NRG3: variants seen among roughly 807,000 people sequenced by gnomAD.
NRG3 encodes the protein pro-neuregulin-3, membrane-bound isoform.
A neutral mutation model predicts 66.9 loss-of-function variants in NRG3; 31 were observed. The observed-to-expected ratio is 0.46, with a 90% CI of 0.35 to 0.63. NRG3 has a LOEUF of 0.63. NRG3 is among the 20% of genes least tolerant of loss of function. The probability of loss-of-function intolerance (pLI) is 0.00; values close to 1 mark genes in which losing one functional copy is unlikely to be tolerated. For missense variants in NRG3, 910 were observed against 878.9 expected (o/e 1.04, Z -0.45); for synonymous variants, 393 against 359.4 (o/e 1.09, Z -1.06).
intron 2 of NRG3, among the ~76,000 whole-genome samples, chr10:82,619,572 G>A (rs760736127): frequency 6.6e-6 from 1 of 152,122 alleles, no homozygotes; most frequent in Non-Finnish European, 1.5e-5. Flanking sequence ...CCTTTTCTTG[G>A]ATGATCAATA....
intron 1 of NRG3, among the ~76,000 whole-genome samples, chr10:82,205,762 C>T (rs964979462): frequency 2.0e-5 from 3 of 152,166 alleles, no homozygotes; most frequent in South Asian, 2.1e-4. Context: ...TACTTCTTTC[C>T]GAACTTCAAT....
chr10:81,940,949 A>G (rs376471895), intron 1 of NRG3, among the ~76,000 whole-genome samples: 130 of 152,224 alleles, frequency 8.5e-4, no homozygotes, highest in African/African-American at 2.8e-3. Context: ...TCTGTGATAT[A>G]TGAGCTTTTA....
intron 2 of NRG3, among the ~76,000 whole-genome samples, chr10:82,728,362 T>TCG (rs1185649478): frequency 3.9e-5 from 6 of 152,162 alleles, no homozygotes; most frequent in Non-Finnish European, 5.9e-5. Context: ...GGTAATTGAA[T>TCG]CGTGGGGTCT....
chr10:82,861,804 G>A (rs890845287), intron 3 of NRG3, among the ~76,000 whole-genome samples: 17 of 152,166 alleles, frequency 1.1e-4, no homozygotes, highest in Admixed American at 7.2e-4. Context: ...TCCACTGTTT[G>A]AGATCCTCTG....
At chr10:82,616,720 G>T (rs537403732) in intron 2 of NRG3, among the ~76,000 whole-genome samples, 2 of 152,262 alleles carry the variant, frequency 1.3e-5, no homozygotes, top group South Asian at 4.2e-4. Context: ...GACATCAAGA[G>T]ATCATATCTT....
intron 2 of NRG3, among the ~76,000 whole-genome samples, chr10:82,480,768 C>T (rs1289691448): frequency 6.6e-6 from 1 of 152,210 alleles, no homozygotes; most frequent in Admixed American, 6.5e-5. Flanking sequence ...CACAGATATA[C>T]CCTGTTTCAT....
intron 2 of NRG3, among the ~76,000 whole-genome samples, chr10:82,485,104 C>T (rs148823070): frequency 1.3e-5 from 2 of 152,098 alleles, no homozygotes; most frequent in Non-Finnish European, 2.9e-5. Flanking sequence ...CATGCTAGCA[C>T]GGTTAGACAT....
At chr10:81,940,145 C>T (rs959457329) in intron 1 of NRG3, among the ~76,000 whole-genome samples, 1 of 152,064 alleles carries the variant, frequency 6.6e-6, no homozygotes, top group African/African-American at 2.4e-5. Context: ...AATATTAGTT[C>T]AGTCTTCTTA....
intron 3 of NRG3, among the ~76,000 whole-genome samples, chr10:82,774,826 T>TC (rs1412636442): frequency 1.2e-4 from 16 of 137,250 alleles, no homozygotes; most frequent in African/African-American, 4.2e-4. Flanking sequence ...TTTTTCTTTT[T>TC]TTTTTTTTTT....
chr10:82,826,319 C>T (rs568708940), intron 3 of NRG3, among the ~76,000 whole-genome samples: 9 of 152,304 alleles, frequency 5.9e-5, no homozygotes, highest in Admixed American at 5.9e-4. Context: ...TCTGACCATT[C>T]CTAGCCCCAG....
intron 6 of NRG3, among the ~76,000 whole-genome samples, chr10:82,960,404 A>G (rs1357391547): frequency 6.6e-6 from 1 of 152,178 alleles, no homozygotes; most frequent in African/African-American, 2.4e-5. Flanking sequence ...ATAGATTCTA[A>G]TCAGTAACAT....
At position 82,582,937 on chromosome 10, in the gene NRG3, C is replaced by T. The variant is rs78217119; in HGVS notation, c.954-155640C>T. On this transcript the variant is annotated intron_variant, in intron 2 of 8. Coordinates refer to ENST00000372141, the MANE Select transcript of NRG3 (RefSeq NM_001010848.4). ...TGAGCATACTTTTTACTTGGCAAGT[C>T]ATTTTCTCCCCTAGGACAGATAAGA... Among the ~76,000 whole-genome samples, 16 of 152,212 alleles carry T rather than the reference C, an allele frequency of 1.1e-4. No individual in the cohort carries two copies. In the East Asian group the frequency reaches 3.1e-3, roughly 29 times the overall value.
chr10:82,759,908 A>G lies in NRG3; in HGVS notation c.1027+21258A>G, dbSNP rs1008217719. Among the ~76,000 whole-genome samples the G allele has an allele frequency of 8.5e-5, 13 of 152,138 alleles. 1 individual carries two copies. The highest frequency in any genetic ancestry group is 6.6e-4 in the Admixed American group (10 of 15,242). ...GATGGTAGGTAACAGTCGGCACAAG[A>G]CACACAAAGAGGAAACTCTATGGGT... On this transcript the variant is annotated intron_variant, in intron 3 of 8. Coordinates refer to ENST00000372141, the MANE Select transcript of NRG3 (RefSeq NM_001010848.4).
chr10:82,842,878 A>G (rs949880713), intron 3 of NRG3, among the ~76,000 whole-genome samples: 1 of 152,180 alleles, frequency 6.6e-6, no homozygotes, highest in Non-Finnish European at 1.5e-5. Flanking sequence ...AAGCCACCAC[A>G]CCTGGCTAAA....
intron 1 of NRG3, among the ~76,000 whole-genome samples, chr10:82,104,550 A>G (rs1196020770): frequency 6.6e-6 from 1 of 152,224 alleles, no homozygotes; most frequent in Non-Finnish European, 1.5e-5. Flanking sequence ...AGATAAAGCA[A>G]TATGAGGAAC....
At chr10:82,168,787 T>G (rs1038481879) in intron 1 of NRG3, among the ~76,000 whole-genome samples, 1 of 152,148 alleles carries the variant, frequency 6.6e-6, no homozygotes, top group South Asian at 2.1e-4. Flanking sequence ...AAATTGTGCT[T>G]TCTACATCCC....
At chr10:81,903,413 G>A (rs73319135) in intron 1 of NRG3, among the ~76,000 whole-genome samples, 2,856 of 152,230 alleles carry the variant, frequency 0.019, 78 homozygotes, top group African/African-American at 0.063. Flanking sequence ...GAAAGTCCAA[G>A]CAGTGGGTTA....
At chr10:82,418,190 A>T (rs1181622261) in intron 2 of NRG3, among the ~76,000 whole-genome samples, 1 of 152,198 alleles carries the variant, frequency 6.6e-6, no homozygotes, top group African/African-American at 2.4e-5. Flanking sequence ...GGAGAAAGGC[A>T]GTTCACCTTC....
At chr10:82,900,528 G>C (rs1844115925) in intron 4 of NRG3, among the ~76,000 whole-genome samples, 1 of 151,928 alleles carries the variant, frequency 6.6e-6, no homozygotes, top group Non-Finnish European at 1.5e-5. Flanking sequence ...TATAGGTATA[G>C]GAAGAAATAA....
Sources: gnomAD v4.1 joint callset for allele counts (sites outside exome capture counted in the v4.1 genomes callset) on GRCh38, gnomAD v4.1.1 for gene constraint, MANE v1.5 for transcripts, NCBI Gene and HGNC (gene_info 2026-07-23, HGNC 2026-07-21) for gene names.